Variants in RYR2 observed in about 807,000 individuals in gnomAD.
RYR2 encodes ryanodine receptor 2.
In RYR2, 227 loss-of-function variants were observed where a neutral mutation model predicts 601.1. The observed-to-expected ratio is 0.38, with a 90% CI of 0.34 to 0.42. The LOEUF (loss-of-function observed/expected upper bound fraction) is 0.42, where lower values mean the gene tolerates loss of function less well. Ranked by LOEUF, RYR2 falls within the 10% of genes least tolerant of loss-of-function variation. The probability of loss-of-function intolerance (pLI) is 1.00; values close to 1 mark genes in which losing one functional copy is unlikely to be tolerated. For synonymous variants in RYR2, 2,223 were observed against 2,175.1 expected (o/e 1.02, Z -0.61); for missense variants, 4,646 against 6,156.5 (o/e 0.75, Z 8.21).
intron 12 of RYR2, among the ~76,000 whole-genome samples, chr1:237,433,589 G>A (rs747686058): frequency 3.5e-4 from 53 of 152,070 alleles, no homozygotes; most frequent in Non-Finnish European, 5.4e-4. Flanking sequence ...CCCTTTGTTA[G>A]TCATCACATT....
At chr1:237,066,967 C>T (rs1004696711) in intron 1 of RYR2, among the ~76,000 whole-genome samples, 2 of 152,148 alleles carry the variant, frequency 1.3e-5, no homozygotes, top group Admixed American at 6.5e-5. Context: ...AATGTCTTTT[C>T]ATGTCGTTTG....
At chr1:237,607,556 C>G (rs1186397177) in intron 35 of RYR2, among the ~76,000 whole-genome samples, 1 of 151,880 alleles carries the variant, frequency 6.6e-6, no homozygotes, top group African/African-American at 2.4e-5. Flanking sequence ...CACATGTACC[C>G]TAGAAGTTAA....
Position 237,786,044 on chromosome 1 carries a change from T to C in RYR2, c.13328+8T>C, listed in dbSNP as rs761800536. On this transcript the variant is annotated splice_region_variant and intron_variant, in intron 91 of 104. Coordinates refer to ENST00000366574, the MANE Select transcript of RYR2 (RefSeq NM_001035.3). ...TGAACCTGAAAAAGCCGAGTATGTA[T>C]AGTTTGCATATACTTTTCCTTCGTT... 6.5e-7 allele frequency: 1 copy of C among 1,541,200 alleles called. No individual in the cohort carries two copies. Among genetic ancestry groups the C allele is most frequent in the East Asian group, 2.3e-5 (1 of 43,424 alleles).
chr1:237,181,264 A>C (rs1421560735), intron 1 of RYR2, among the ~76,000 whole-genome samples: 1 of 147,544 alleles, frequency 6.8e-6, no homozygotes, highest in African/African-American at 2.7e-5. Flanking sequence ...GATTACAGGC[A>C]TGAGCCACCA....
intron 11 of RYR2, among the ~76,000 whole-genome samples, chr1:237,422,769 A>G (rs1369747217): frequency 2.6e-5 from 4 of 152,170 alleles, no homozygotes; most frequent in Non-Finnish European, 4.4e-5. Flanking sequence ...ACTAATCTGT[A>G]TTAGAGGGTG....
intron 2 of RYR2, among the ~76,000 whole-genome samples, chr1:237,325,694 A>AAAAAC (rs1480864753): frequency 6.6e-6 from 1 of 152,062 alleles, no homozygotes; most frequent in African/African-American, 2.4e-5. Context: ...TCTCAAAAAC[A>AAAAAC]AAAACAAAAC....
At position 237,504,301 on chromosome 1, in the gene RYR2, T is replaced by C. The variant is rs372855667; in HGVS notation, c.2613+796T>C. On this transcript the variant is annotated intron_variant, in intron 22 of 104. Coordinates refer to ENST00000366574, the MANE Select transcript of RYR2 (RefSeq NM_001035.3). ...GGTGGTGGATTATCATTAGCTCTTA[T>C]AGGTTTTGGGATAGGCAGTGAAGTT... Among the ~76,000 whole-genome samples the C allele has an allele frequency of 9.6e-3, 1,454 of 152,094 alleles. 27 individuals are homozygous for C. The highest frequency in any genetic ancestry group is 0.031 in the African/African-American group (1,294 of 41,398).
chr1:237,088,350 C>G lies in RYR2; in HGVS notation c.48+45781C>G, dbSNP rs529203774. On this transcript the variant is annotated intron_variant, in intron 1 of 104. Transcript: ENST00000366574. ...AGGAGAGATAAAGAGAGATAGGATG[C>G]AAGGGCTTGGCTACCTGTGCTTTTC... 1.5e-4 allele frequency among the ~76,000 whole-genome samples: 23 copies of G among 152,302 alleles called. No homozygotes were observed. In the South Asian group the frequency reaches 4.8e-3, roughly 32 times the overall value.
intron 9 of RYR2, 129 bp downstream of exon 9, chr1:237,387,509 T>C: frequency 1.3e-6 from 1 of 749,086 alleles, no homozygotes; most frequent in Non-Finnish European, 2.2e-6. Context: ...GTAATGCAGA[T>C]ACCTGACATT....
chr1:237,421,149 G>C (rs915678765), intron 11 of RYR2, among the ~76,000 whole-genome samples: 1 of 152,234 alleles, frequency 6.6e-6, no homozygotes, highest in Non-Finnish European at 1.5e-5. Context: ...TGGGGCTAGA[G>C]AATCGCTTGA....
At chr1:237,409,274 T>G (rs1704204230) in intron 10 of RYR2, among the ~76,000 whole-genome samples, 1 of 152,074 alleles carries the variant, frequency 6.6e-6, no homozygotes. Context: ...TATGATTGAG[T>G]ATGGTGTTGG....
intron 16 of RYR2, among the ~76,000 whole-genome samples, chr1:237,464,117 C>A (rs963992030): frequency 6.6e-6 from 1 of 152,126 alleles, no homozygotes; most frequent in Non-Finnish European, 1.5e-5. Flanking sequence ...TACATATCTG[C>A]ACATCTTTGC....
At chr1:237,560,870 T>C (rs910285165) in intron 27 of RYR2, among the ~76,000 whole-genome samples, 5 of 152,182 alleles carry the variant, frequency 3.3e-5, no homozygotes, top group Non-Finnish European at 7.3e-5. Flanking sequence ...TGGAGAAACA[T>C]TGATGGTCCC....
chr1:237,300,845 A>G (rs529019297), intron 2 of RYR2, among the ~76,000 whole-genome samples: 2 of 152,260 alleles, frequency 1.3e-5, no homozygotes, highest in Non-Finnish European at 2.9e-5. Context: ...AGGACAGCAT[A>G]ATATCAATGA....
intron 100 of RYR2, among the ~76,000 whole-genome samples, chr1:237,811,690 A>T (rs912275639): frequency 1.3e-5 from 2 of 152,246 alleles, no homozygotes; most frequent in African/African-American, 4.8e-5. Flanking sequence ...GATGCTTTTG[A>T]TGGAGAATGC....
At chr1:237,594,886 G>GTTTTTTTTGTTTTGTTTT (rs1675642723) in intron 33 of RYR2, among the ~76,000 whole-genome samples, 1 of 60,402 alleles carries the variant, frequency 1.7e-5, no homozygotes, top group South Asian at 7.1e-4. Context: ...ATATCACTGG[G>GTTTTTTTTGTTTTGTTTT]TTTTTTTTTT....
intron 63 of RYR2, among the ~76,000 whole-genome samples, chr1:237,696,259 A>G (rs1687420161): frequency 6.6e-6 from 1 of 152,188 alleles, no homozygotes; most frequent in African/African-American, 2.4e-5. Flanking sequence ...AGGAAAAATG[A>G]AGGACCTGCC....
intron 1 of RYR2, among the ~76,000 whole-genome samples, chr1:237,061,214 T>G (rs1452513280): frequency 5.1e-5 from 7 of 138,124 alleles, no homozygotes; most frequent in East Asian, 2.2e-4. Context: ...ACGGTTGTTC[T>G]ATCTATCTAT....
chr1:237,731,908 A>ACACACACACG (rs1357143934), intron 77 of RYR2, 138 bp from the exon 78 acceptor site: 2 of 599,360 alleles, frequency 3.3e-6, no homozygotes, highest in African/African-American at 1.9e-5. Context: ...ACACACACAC[A>ACACACACACG]CACACACACA....
Sources: allele counts gnomAD v4.1 joint callset (sites outside exome capture counted in the v4.1 genomes callset), GRCh38; gene constraint gnomAD v4.1.1; transcripts MANE v1.5; gene names NCBI Gene and HGNC (gene_info 2026-07-23, HGNC 2026-07-21).